LINGO2: variants seen among roughly 807,000 people sequenced by gnomAD.
LINGO2 encodes leucine-rich repeat and immunoglobulin-like domain-containing nogo receptor-interacting protein 2.
LINGO2 carries 14 observed loss-of-function variants against 30.6 expected under a neutral mutation model. The observed-to-expected ratio is 0.46, with a 90% CI of 0.30 to 0.72. LINGO2 has a LOEUF of 0.72. Among genes scored for constraint, LINGO2 ranks in the 30% least tolerant of loss-of-function variants. The probability of loss-of-function intolerance (pLI) is 0.07; values close to 1 mark genes in which losing one functional copy is unlikely to be tolerated. For synonymous variants in LINGO2, 317 were observed against 288.5 expected (o/e 1.10, Z -1.00); for missense variants, 729 against 751.7 (o/e 0.97, Z 0.35).
chr9:28,017,131 A>C (rs547960384), intron 4 of LINGO2, among the ~76,000 whole-genome samples: 16 of 152,304 alleles, frequency 1.1e-4, no homozygotes, highest in African/African-American at 3.4e-4. Context: ...CTTTTGATAA[A>C]AGCCAACATC....
At chr9:28,924,849 A>G in the LINGO2 span, among the ~76,000 whole-genome samples, 2 of 152,226 alleles carry the variant, frequency 1.3e-5, no homozygotes, top group African/African-American at 4.8e-5. Context: ...TTATCATTAC[A>G]TAATGACCTT....
At chr9:28,636,346 G>A (rs1827273196) in intron 1 of LINGO2, among the ~76,000 whole-genome samples, 1 of 152,128 alleles carries the variant, frequency 6.6e-6, no homozygotes, top group African/African-American at 2.4e-5. Flanking sequence ...CCCAGTAATG[G>A]GATGGCGGGG....
chr9:29,092,865 A>G, the LINGO2 span, among the ~76,000 whole-genome samples: 2 of 136,674 alleles, frequency 1.5e-5, 1 homozygote, highest in Non-Finnish European at 3.2e-5. Context: ...TCAGTCTTTA[A>G]AAACAAACTT....
chr9:28,122,463 T>C (rs1476684945), intron 4 of LINGO2, among the ~76,000 whole-genome samples: 1 of 152,230 alleles, frequency 6.6e-6, no homozygotes, highest in Non-Finnish European at 1.5e-5. Context: ...TCAGCATTAT[T>C]GTTTTGTCTA....
chr9:28,425,890 T>C (rs563593716), intron 2 of LINGO2, among the ~76,000 whole-genome samples: 11 of 152,192 alleles, frequency 7.2e-5, no homozygotes, highest in Admixed American at 6.6e-4. Context: ...TTGTTGTTAT[T>C]GTTAAATGTA....
At chr9:28,858,583 G>A in the LINGO2 span, among the ~76,000 whole-genome samples, 1 of 151,904 alleles carries the variant, frequency 6.6e-6, no homozygotes, top group Admixed American at 6.6e-5. Flanking sequence ...GGTTTCATCC[G>A]GCTTGCAAAG....
At chr9:28,730,177 A>G in the LINGO2 span, among the ~76,000 whole-genome samples, 148 of 152,290 alleles carry the variant, frequency 9.7e-4, no homozygotes, top group African/African-American at 3.2e-3. Context: ...AAACAGGGCA[A>G]TAAAGGGAAT....
chr9:28,971,654 A>G, the LINGO2 span, among the ~76,000 whole-genome samples: 3 of 152,190 alleles, frequency 2.0e-5, no homozygotes, highest in Admixed American at 6.5e-5. Context: ...TAGACTTCTA[A>G]AGTTTTTGAC....
At chr9:28,597,770 A>G (rs963576685) in intron 1 of LINGO2, among the ~76,000 whole-genome samples, 2 of 151,998 alleles carry the variant, frequency 1.3e-5, no homozygotes, top group African/African-American at 4.8e-5. Flanking sequence ...GTATATATGT[A>G]TTTATTTATT....
At chr9:28,046,280 G>A (rs1268560016) in intron 4 of LINGO2, among the ~76,000 whole-genome samples, 1 of 152,116 alleles carries the variant, frequency 6.6e-6, no homozygotes, top group Admixed American at 6.6e-5. Context: ...CTCTGTACAG[G>A]ACCATTAAGA....
the LINGO2 span, among the ~76,000 whole-genome samples, chr9:29,188,071 G>T: frequency 7.2e-6 from 1 of 138,758 alleles, no homozygotes; most frequent in Non-Finnish European, 1.5e-5. Context: ...CGCAGAGGGG[G>T]ATTTGACAGG....
chr9:28,482,965 C>T (rs1587734681), intron 1 of LINGO2, among the ~76,000 whole-genome samples: 1 of 152,028 alleles, frequency 6.6e-6, no homozygotes, highest in Admixed American at 6.6e-5. Context: ...TTCTACCTAG[C>T]CCATGTTGCT....
At chr9:28,229,807 CTT>C (rs1375535379) in intron 4 of LINGO2, among the ~76,000 whole-genome samples, 3 of 151,832 alleles carry the variant, frequency 2.0e-5, no homozygotes, top group Non-Finnish European at 4.4e-5. Flanking sequence ...AAACGCTGAA[CTT>C]TGTTCCCTCC....
intron 2 of LINGO2, among the ~76,000 whole-genome samples, chr9:28,422,681 A>T (rs1291746101): frequency 6.6e-6 from 1 of 152,114 alleles, no homozygotes; most frequent in African/African-American, 2.4e-5. Flanking sequence ...TATATATGTG[A>T]AATAACTAAA....
At chr9:28,637,439 C>A (rs986238845) in intron 1 of LINGO2, among the ~76,000 whole-genome samples, 1 of 152,086 alleles carries the variant, frequency 6.6e-6, no homozygotes, top group African/African-American at 2.4e-5. Context: ...GATATTAATT[C>A]TTCCTATCCA....
chr9:28,959,645 C>CACACACACAG, the LINGO2 span, among the ~76,000 whole-genome samples: 1 of 149,920 alleles, frequency 6.7e-6, no homozygotes, highest in African/African-American at 2.5e-5. Flanking sequence ...CACACACACA[C>CACACACACAG]AGAGAACAAT....
At chr9:28,804,805 C>G in the LINGO2 span, among the ~76,000 whole-genome samples, 534 of 152,156 alleles carry the variant, frequency 3.5e-3, 6 homozygotes, top group African/African-American at 0.012. Context: ...AATCAGAGAT[C>G]ATTTTTACCA....
intron 1 of LINGO2, among the ~76,000 whole-genome samples, chr9:28,565,409 C>T (rs1055475229): frequency 2.2e-4 from 33 of 151,316 alleles, no homozygotes; most frequent in African/African-American, 7.8e-4. Context: ...AGGATGATCT[C>T]GATCTGACCT....
chr9:28,130,285 T>A lies in LINGO2; in HGVS notation c.-86-117880A>T, dbSNP rs1827346995. On this transcript the variant is annotated intron_variant, in intron 4 of 5. Transcript: ENST00000379992. This position sits in a 1 kb window ranked among gnomAD's most constrained non-coding sequence, Gnocchi z 5.2. ...AATTGTATTTGTTCTGCTATGACTG[T>A]ATTAGTTTTGGATTCAAAAAGGTTA... 1.3e-5 allele frequency among the ~76,000 whole-genome samples: 2 copies of A among 152,240 alleles called. No homozygotes were observed. The highest frequency in any genetic ancestry group is 4.8e-5 in the African/African-American group (2 of 41,462).
Sources: gnomAD v4.1 joint callset for allele counts (sites outside exome capture counted in the v4.1 genomes callset) on GRCh38, gnomAD v4.1.1 for gene constraint, Gnocchi (gnomAD v3.1) non-coding constraint, MANE v1.5 for transcripts, NCBI Gene and HGNC (gene_info 2026-07-23, HGNC 2026-07-21) for gene names.